DPP9: variants seen among roughly 807,000 people sequenced by gnomAD.
DPP9 encodes dipeptidyl peptidase IV-related protein-2.
In DPP9, 50 loss-of-function variants were observed where a neutral mutation model predicts 110.7. That is an observed-to-expected ratio of 0.45 (90% CI 0.36 to 0.57). The LOEUF (loss-of-function observed/expected upper bound fraction) is 0.57, where lower values mean the gene tolerates loss of function less well. Among genes scored for constraint, DPP9 ranks in the 20% least tolerant of loss-of-function variants. The probability of loss-of-function intolerance (pLI) is 0.00; values close to 1 mark genes in which losing one functional copy is unlikely to be tolerated. For missense variants in DPP9, 1,022 were observed against 1,217.9 expected, an observed-to-expected ratio of 0.84 and a Z score of 2.39; for synonymous variants, 561 against 514.4, an observed-to-expected ratio of 1.09 and a Z score of -1.23.
intron 7 of DPP9, 64 bp from the exon 8 acceptor site, chr19:4,702,780 G>A: frequency 9.6e-7 from 1 of 1,043,478 alleles, no homozygotes; most frequent in Non-Finnish European, 1.4e-6. Context: ...GGGACAGCCA[G>A]GGGCTCAAGG....
In DPP9 at chr19:4,705,736, G is replaced by C. The variant is rs561465562; in HGVS notation, c.426+122C>G. The C allele has an allele frequency of 1.5e-5, 13 of 888,458 alleles. No homozygotes were observed. The South Asian group carries it at 1.6e-4, about 11-fold the overall frequency. The allele number at this position is 888,458 out of a possible 1,614,324, so 55.0% of individuals were successfully genotyped here. A position where few individuals can be genotyped will look rare whatever the true frequency, so the allele number is the denominator to read the frequency against. ...CACCCGCCAGAGTCCACAGGACGGA[G>C]GGTTTGTGGGAACTCACAGCCGGTG... On this transcript the variant is annotated intron_variant, in intron 5 of 21. Coordinates refer to ENST00000262960, the MANE Select transcript of DPP9 (RefSeq NM_139159.5).
chr19:4,701,784 T>C (rs2092275245), intron 9 of DPP9, among the ~76,000 whole-genome samples: 5 of 152,230 alleles, frequency 3.3e-5, no homozygotes, highest in Admixed American at 1.3e-4. Flanking sequence ...AAGCCTGAGA[T>C]ACCTGTGCCC....
intron 13 of DPP9, 123 bp from the exon 14 acceptor site, chr19:4,691,080 T>A: frequency 1.4e-6 from 1 of 730,290 alleles, no homozygotes; most frequent in Non-Finnish European, 2.3e-6. Context: ...CGGCTTGCTG[T>A]GAACTCAGAC....
rs549658688 is a variant in DPP9, at chr19:4,700,675, C to A, written c.1013-398G>T. Among the ~76,000 whole-genome samples the A allele has an allele frequency of 1.3e-5, 2 of 152,172 alleles. No homozygotes were observed. Among genetic ancestry groups the A allele is most frequent in the Non-Finnish European group, 2.9e-5 (2 of 68,030 alleles). On this transcript the variant is annotated intron_variant, in intron 9 of 21. Transcript: ENST00000262960. The surrounding 1 kb of genome is among the most constrained non-coding windows in gnomAD (Gnocchi z 4.3). ...CGAGGCATCACAGTAAAACTGACAA[C>A]GTGACAAGTGGGGTGTGTCCCATGC... is the stretch of plus-strand genomic sequence containing the variant.
Position 4,701,122 on chromosome 19 carries a change from C to T in DPP9, c.1013-845G>A, listed in dbSNP as rs150031934. On this transcript the variant is annotated intron_variant, in intron 9 of 21. Coordinates refer to ENST00000262960, the MANE Select transcript of DPP9 (RefSeq NM_139159.5). Reference sequence around the variant, plus strand: ...GCCTGAACGCGGAATCTGGGCTGCACGTGTGTTCTGTTTGGCTCCAGAGAT... The same window carrying T: ...GCCTGAACGCGGAATCTGGGCTGCATGTGTGTTCTGTTTGGCTCCAGAGAT... Among the ~76,000 whole-genome samples the T allele has an allele frequency of 1.3e-3, 201 of 152,226 alleles. No homozygotes were observed. In the East Asian group the frequency reaches 0.019, roughly 14 times the overall value.
At chr19:4,681,670 T>G (rs574461688) in intron 20 of DPP9, among the ~76,000 whole-genome samples, 1 of 152,002 alleles carries the variant, frequency 6.6e-6, no homozygotes, top group African/African-American at 2.4e-5. Flanking sequence ...GTTCAAGCGA[T>G]TCTCCTGCCT....
chr19:4,694,886 A>C lies in DPP9; in HGVS notation c.1354-63T>G. ...TGGGTGGCCGGGCATGGTGGCTCAC[A>C]CCAGTAATCCCAGTAGTTTGGGAGG... On this transcript the variant is annotated intron_variant, in intron 12 of 21. Transcript: ENST00000262960. The surrounding 1 kb of genome is among the most constrained non-coding windows in gnomAD (Gnocchi z 4.0). The C allele has an allele frequency of 6.5e-7, 1 of 1,547,422 alleles. No individual in the cohort carries two copies. The highest frequency in any genetic ancestry group is 8.8e-7 in the Non-Finnish European group (1 of 1,131,150).
At chr19:4,703,800 A>G in intron 7 of DPP9, 86 bp downstream of exon 7, 1 of 1,428,702 alleles carries the variant, frequency 7.0e-7, no homozygotes, top group Non-Finnish European at 9.5e-7. Context: ...TGTGTGCAGG[A>G]AGACCCTGGC....
Position 4,695,180 on chromosome 19 carries a change from G to T in DPP9, c.1353+198C>A. The T allele has an allele frequency of 1.7e-6, 1 of 591,830 alleles. No individual in the cohort carries two copies. Among genetic ancestry groups the T allele is most frequent in the Non-Finnish European group, 2.9e-6 (1 of 344,892 alleles). The allele number at this position is 591,830 out of a possible 1,614,324, so 36.7% of individuals were successfully genotyped here. A position where few individuals can be genotyped will look rare whatever the true frequency, so the allele number is the denominator to read the frequency against. On this transcript the variant is annotated intron_variant, in intron 12 of 21. Transcript: ENST00000262960. The surrounding 1 kb of genome is among the most constrained non-coding windows in gnomAD (Gnocchi z 4.7). ...AAGAAAAAAATAGATGAGGGGAGAG[G>T]CTCCAATGGCTGCCAGACTCACCAA...
At position 4,689,578 on chromosome 19, in the gene DPP9, T is replaced by C. The variant is rs1026379140; in HGVS notation, c.1741A>G (p.Met581Val). The part of the protein sequence containing the change: ...TTPGFSHSCS[M>V]SQNFDMFVSH... ...AGGCTGGGCGGTCCCACCTGGCTCA[T>C]GGAGCAGCTATGGGAGAAGCCGGGC... is the stretch of plus-strand genomic sequence containing the variant. Residue 581 changes from methionine to valine, a missense_variant, in exon 15 of 22, where the codon ATG becomes GTG. Coordinates refer to ENST00000262960, the MANE Select transcript of DPP9 (RefSeq NM_139159.5). This position sits in a 1 kb window ranked among gnomAD's most constrained non-coding sequence, Gnocchi z 7.0. 61 of 1,563,034 alleles carry C rather than the reference T, an allele frequency of 3.9e-5. No homozygotes were observed. Among genetic ancestry groups the C allele is most frequent in the Non-Finnish European group, 5.0e-5 (58 of 1,156,532 alleles).
rs2092548936 is a variant in DPP9, at chr19:4,705,724, CCACA to C, written c.426+130_426+133del. 31 of 781,444 alleles carry C rather than the reference CCACA, an allele frequency of 4.0e-5. No individual in the cohort carries two copies. In the South Asian group the frequency reaches 5.1e-4, roughly 13 times the overall value. The allele number at this position is 781,444 out of a possible 1,614,324, so 48.4% of individuals were successfully genotyped here. A position where few individuals can be genotyped will look rare whatever the true frequency, so the allele number is the denominator to read the frequency against. Reference sequence around the variant, plus strand: ...GGAGGGAAGGCTCACCCGCCAGAGTCCACAGGACGGAGGGTTTGTGGGAACTCAC... The same window carrying C: ...GGAGGGAAGGCTCACCCGCCAGAGTCGGACGGAGGGTTTGTGGGAACTCAC... On this transcript the variant is annotated intron_variant, in intron 5 of 21. Coordinates refer to ENST00000262960, the MANE Select transcript of DPP9 (RefSeq NM_139159.5).
chr19:4,689,596 A>C lies in DPP9; in HGVS notation c.1723T>G (p.Phe575Val). The change falls in exon 15 of 22, where the codon TTC becomes GTC. Residue 575 changes from phenylalanine to valine, a missense_variant. Phe to Val is a conservative substitution (Grantham distance 50). Around this residue, in one of 3 missense-constraint regions of DPP9, gnomAD observed 810 missense variants for 920.6 expected, o/e 0.88. Coordinates refer to ENST00000262960, the MANE Select transcript of DPP9 (RefSeq NM_139159.5). This position sits in a 1 kb window ranked among gnomAD's most constrained non-coding sequence, Gnocchi z 7.0. ...TGGCTCATGGAGCAGCTATGGGAGAAGCCGGGCGTGGTGAGGCGTACGATC... is the reference window on the plus strand; with the variant it reads ...TGGCTCATGGAGCAGCTATGGGAGACGCCGGGCGTGGTGAGGCGTACGATC... The part of the protein sequence containing the change: ...GEIVRLTTPG[F>V]SHSCSMSQNF... The C allele has an allele frequency of 6.4e-7, 1 of 1,570,980 alleles. No homozygotes were observed. The highest frequency in any genetic ancestry group is 8.6e-7 in the Non-Finnish European group (1 of 1,159,704).
rs1310543696 is a variant in DPP9, at chr19:4,685,132, C to T, written c.2032-323G>A. On this transcript the variant is annotated intron_variant, in intron 17 of 21. Coordinates refer to ENST00000262960, the MANE Select transcript of DPP9 (RefSeq NM_139159.5). The surrounding 1 kb of genome is among the most constrained non-coding windows in gnomAD (Gnocchi z 5.8). ...CTCGGGTGGGGCCATCTGGGCACTG[C>T]GGGGTGCTGAGAAGCCACTCCAGGC... 2.5e-5 allele frequency: 14 copies of T among 568,944 alleles called. No individual in the cohort carries two copies. The highest frequency in any genetic ancestry group is 4.0e-5 in the Non-Finnish European group (12 of 299,674). The allele number at this position is 568,944 out of a possible 1,614,324, so 35.2% of individuals were successfully genotyped here.
At chr19:4,722,734 TCCCACGGG>T in intron 1 of DPP9, 183 bp from the exon 2 acceptor site, 1 of 582,720 alleles carries the variant, frequency 1.7e-6, no homozygotes, top group Admixed American at 2.9e-5. Context: ...AGAGAAGCCA[TCCCACGGG>T]CCCCGATTCC....
Position 4,684,467 on chromosome 19 carries a change from G to A in DPP9, c.2178+196C>T, listed in dbSNP as rs1239696236. Reference sequence around the variant, plus strand: ...CAACTTGTCTCTGTCCCTGCAGGGCGCAGCCCAGAGCTGAGCAGCAAAGCA... The same window carrying A: ...CAACTTGTCTCTGTCCCTGCAGGGCACAGCCCAGAGCTGAGCAGCAAAGCA... On this transcript the variant is annotated intron_variant, in intron 18 of 21. Transcript: ENST00000262960. The surrounding 1 kb of genome is among the most constrained non-coding windows in gnomAD (Gnocchi z 4.8). 11 of 628,646 alleles carry A rather than the reference G, an allele frequency of 1.7e-5. No individual in the cohort carries two copies. Among genetic ancestry groups the A allele is most frequent in the African/African-American group, 3.7e-5 (2 of 54,260 alleles). The allele number at this position is 628,646 out of a possible 1,614,324, so 38.9% of individuals were successfully genotyped here.
chr19:4,704,013 T>C lies in DPP9; in HGVS notation c.642A>G (p.Ser214=). ...AGATTTTGGGGTCCATCCGGGGCCC[T>C]GAGCACTGGGTCTTGATTTCCAGCG... The part of the protein sequence containing the change: ...MKPLEIKTQC[S]GPRMDPKICP... Residue 214 remains serine (S), a synonymous_variant, in exon 7 of 22, where the codon TCA becomes TCG. Coordinates refer to ENST00000262960, the MANE Select transcript of DPP9 (RefSeq NM_139159.5). This position sits in a 1 kb window ranked among gnomAD's most constrained non-coding sequence, Gnocchi z 6.0. 1 of 1,614,016 alleles carries C rather than the reference T, an allele frequency of 6.2e-7. No individual in the cohort carries two copies. The highest frequency in any genetic ancestry group is 8.5e-7 in the Non-Finnish European group (1 of 1,179,884).
Position 4,702,597 on chromosome 19 carries a change from A to T in DPP9, c.883+6T>A. The T allele has an allele frequency of 6.3e-7, 1 of 1,585,220 alleles. No homozygotes were observed. Among genetic ancestry groups the T allele is most frequent in the Non-Finnish European group, 8.6e-7 (1 of 1,165,482 alleles). ...GGGAGCATGTTGAAAAATGGAAGGG[A>T]CCTACCTTCCCAGGAGGCTGTGGGG... On this transcript the variant is annotated splice_donor_region_variant and intron_variant, in intron 8 of 21. Coordinates refer to ENST00000262960, the MANE Select transcript of DPP9 (RefSeq NM_139159.5).
intron 18 of DPP9, 126 bp from the exon 19 acceptor site, chr19:4,683,755 CT>C: frequency 6.3e-7 from 1 of 1,593,566 alleles, no homozygotes; most frequent in South Asian, 1.1e-5. Flanking sequence ...TGGAAGCCCC[CT>C]GTCCTTCCAG....
intron 13 of DPP9, among the ~76,000 whole-genome samples, chr19:4,691,322 A>G (rs189149453): frequency 1.1e-4 from 16 of 152,028 alleles, no homozygotes; most frequent in Non-Finnish European, 2.2e-4. Flanking sequence ...AAAAAAAAAG[A>G]AAAATTAGCC....
Sources: gnomAD v4.1 joint callset for allele counts (sites outside exome capture counted in the v4.1 genomes callset) on GRCh38, gnomAD v4.1.1 for gene constraint, gnomAD v4.1.1 regional missense constraint, Gnocchi (gnomAD v3.1) non-coding constraint, MANE v1.5 for transcripts, NCBI Gene and HGNC (gene_info 2026-07-23, HGNC 2026-07-21) for gene names.